The following AKAP13 variants were observed in gnomAD, a reference collection of about 807,000 sequenced individuals.
AKAP13 encodes the protein A-kinase anchor protein 13.
In AKAP13, 80 loss-of-function variants were observed where a neutral mutation model predicts 264.5. The observed-to-expected ratio is 0.30, with a 90% CI of 0.25 to 0.36. The LOEUF (loss-of-function observed/expected upper bound fraction) is 0.36. Among genes scored for constraint, AKAP13 ranks in the 10% least tolerant of loss-of-function variants. The probability of loss-of-function intolerance (pLI) is 1.00; values close to 1 mark genes in which losing one functional copy is unlikely to be tolerated. For missense variants in AKAP13, 3,712 were observed against 3,435.2 expected (o/e 1.08, Z -2.01); for synonymous variants, 1,380 against 1,250.2 (o/e 1.10, Z -2.19).
chr15:85,749,166 T>C lies in AKAP13; in HGVS notation c.*4489T>C, dbSNP rs1012648179. On this transcript the variant is annotated 3_prime_UTR_variant, in exon 37 of 37. Transcript: ENST00000394518. ...GACGGGTTAAAACCCAGATGCTGTA[T>C]ATTCATTTGTAATTATGTATAAAGT... 1 of 152,262 alleles carries C rather than the reference T, an allele frequency of 6.6e-6. No individual in the cohort carries two copies. Among genetic ancestry groups the C allele is most frequent in the African/African-American group, 2.4e-5 (1 of 41,470 alleles). The allele number at this position is 152,262 out of a possible 1,614,324, so 9.4% of individuals were successfully genotyped here.
At chr15:85,459,805 G>A (rs2074438231) in intron 1 of AKAP13, among the ~76,000 whole-genome samples, 1 of 152,100 alleles carries the variant, frequency 6.6e-6, no homozygotes, top group Non-Finnish European at 1.5e-5. Flanking sequence ...GGCCTAGCCT[G>A]CTTTTCCTTA....
intron 15 of AKAP13, 58 bp downstream of exon 15, chr15:85,682,270 C>T: frequency 6.5e-7 from 1 of 1,542,660 alleles, no homozygotes; most frequent in Non-Finnish European, 8.9e-7. Context: ...TTTAAAATCT[C>T]TTAGGCCATT....
At chr15:85,698,465 CAA>C (rs35509705) in intron 17 of AKAP13, among the ~76,000 whole-genome samples, 9 of 103,932 alleles carry the variant, frequency 8.7e-5, no homozygotes, top group African/African-American at 1.6e-4. Context: ...ACTCTGTCTC[CAA>C]AAAAAAAAAA....
chr15:85,671,459 G>A (rs867708421), intron 14 of AKAP13, among the ~76,000 whole-genome samples: 3 of 121,888 alleles, frequency 2.5e-5, no homozygotes, highest in Admixed American at 2.0e-4. Flanking sequence ...AAAAAAAAAA[G>A]AGAGAGAGAG....
chr15:85,526,994 G>A (rs1057472781), intron 3 of AKAP13, among the ~76,000 whole-genome samples: 16 of 146,512 alleles, frequency 1.1e-4, no homozygotes, highest in South Asian at 2.1e-4. Flanking sequence ...TCGCTCTGTC[G>A]CCCAGGCTGG....
chr15:85,407,190 A>G (rs955600838), intron 1 of AKAP13, among the ~76,000 whole-genome samples: 10 of 151,104 alleles, frequency 6.6e-5, no homozygotes, highest in African/African-American at 2.5e-4. Context: ...CTTCTAAGGA[A>G]CACAGATGAG....
chr15:85,399,118 C>G (rs1025855110), intron 1 of AKAP13, among the ~76,000 whole-genome samples: 1 of 152,188 alleles, frequency 6.6e-6, no homozygotes, highest in African/African-American at 2.4e-5. Context: ...CTACAGAAAG[C>G]TTTTGTCATT....
At chr15:85,704,374 GTTTGT>G (rs1318187657) in intron 17 of AKAP13, among the ~76,000 whole-genome samples, 1 of 152,138 alleles carries the variant, frequency 6.6e-6, no homozygotes, top group Non-Finnish European at 1.5e-5. Context: ...CTCGCTAATG[GTTTGT>G]TTTATTTTTC....
Position 85,388,866 on chromosome 15 carries a change from G to C in AKAP13, c.-12+8068G>C, listed in dbSNP as rs1038529732. Among the ~76,000 whole-genome samples, 7 of 152,178 alleles carry C rather than the reference G, an allele frequency of 4.6e-5. No individual in the cohort carries two copies. In the South Asian group the frequency reaches 1.2e-3, roughly 27 times the overall value. ...CTGTTAAATGTCAGATGTCTCCTTGGGGGTAAAGTTATTTCAAACACAAGA... is the reference window on the plus strand; with the variant it reads ...CTGTTAAATGTCAGATGTCTCCTTGCGGGTAAAGTTATTTCAAACACAAGA... On this transcript the variant is annotated intron_variant, in intron 1 of 36. Coordinates refer to ENST00000394518, the MANE Select transcript of AKAP13 (RefSeq NM_007200.5).
chr15:85,558,016 C>G (rs375418424), intron 5 of AKAP13, among the ~76,000 whole-genome samples: 3 of 152,280 alleles, frequency 2.0e-5, no homozygotes, highest in East Asian at 3.9e-4. Context: ...TGCTATGCCT[C>G]TTATCTCTTC....
At chr15:85,664,390 T>C (rs7163838) in intron 12 of AKAP13, among the ~76,000 whole-genome samples, 173 bp from the exon 13 acceptor site, 26,293 of 152,140 alleles carry the variant, frequency 0.17, 2,534 homozygotes, top group Non-Finnish European at 0.22. Context: ...TATTCCAAGA[T>C]CTGTGGGGGA....
At chr15:85,731,349 C>T (rs1371753218) in intron 30 of AKAP13, among the ~76,000 whole-genome samples, 2 of 152,120 alleles carry the variant, frequency 1.3e-5, no homozygotes. Context: ...AGTGCCTACT[C>T]CTAGACATTA....
chr15:85,615,878 T>C (rs2080913047), intron 8 of AKAP13, among the ~76,000 whole-genome samples: 1 of 152,226 alleles, frequency 6.6e-6, no homozygotes, highest in Non-Finnish European at 1.5e-5. Context: ...GCGTTGAATC[T>C]CTAATTTTTC....
chr15:85,407,314 G>A (rs1162398759), intron 1 of AKAP13, among the ~76,000 whole-genome samples: 5 of 149,088 alleles, frequency 3.4e-5, no homozygotes, highest in South Asian at 2.2e-4. Flanking sequence ...TGCAACCTCC[G>A]CCTCCTGGGT....
intron 17 of AKAP13, among the ~76,000 whole-genome samples, chr15:85,706,148 G>A (rs1432370165): frequency 1.3e-5 from 2 of 152,076 alleles, no homozygotes; most frequent in African/African-American, 4.8e-5. Context: ...GGTTTGAGTG[G>A]GGTGGGCTTT....
chr15:85,528,202 C>G (rs1020096223), intron 3 of AKAP13, among the ~76,000 whole-genome samples: 2 of 152,322 alleles, frequency 1.3e-5, no homozygotes, highest in Non-Finnish European at 1.5e-5. Context: ...CTCCCAACCT[C>G]GCACACACAC....
intron 36 of AKAP13, 30 bp from the exon 37 acceptor site, chr15:85,744,598 T>A: frequency 1.2e-6 from 2 of 1,613,464 alleles, no homozygotes; most frequent in Non-Finnish European, 1.7e-6. Flanking sequence ...TTTTCTGAAT[T>A]TTTTTCATTC....
rs2083056889 is a variant in AKAP13, at chr15:85,655,519, C to G, written c.4477C>G (p.Leu1493Val). The G allele has an allele frequency of 3.1e-6, 5 of 1,614,082 alleles. No homozygotes were observed. Among genetic ancestry groups the G allele is most frequent in the African/African-American group, 1.3e-5 (1 of 74,926 alleles). Residue 1493 changes from leucine (L) to valine (V), a missense_variant, in exon 11 of 37, where the codon CTC becomes GTC. Transcript: ENST00000394518. Reference sequence around the variant, plus strand: ...TTCTTCTCATGGCAGTGATGTGTCTCTCTCCCAGATTTTAAAGCCAAACAG... The same window carrying G: ...TTCTTCTCATGGCAGTGATGTGTCTGTCTCCCAGATTTTAAAGCCAAACAG... ...RHSSHGSDVS[L>V]SQILKPNRSR...
intron 1 of AKAP13, among the ~76,000 whole-genome samples, chr15:85,423,737 G>T (rs974006855): frequency 8.5e-5 from 13 of 152,342 alleles, no homozygotes; most frequent in African/African-American, 3.1e-4. Context: ...AAGGTTTTCA[G>T]TTGGCTTTGC....
Sources: allele counts gnomAD v4.1 joint callset (sites outside exome capture counted in the v4.1 genomes callset), GRCh38; gene constraint gnomAD v4.1.1; transcripts MANE v1.5; gene names NCBI Gene and HGNC (gene_info 2026-07-23, HGNC 2026-07-21).